The following SMAP1 variants were observed in gnomAD, a reference collection of about 807,000 sequenced individuals.
SMAP1 encodes the protein small ArfGAP 1, also known as stromal membrane-associated protein 1.
SMAP1 carries 24 observed loss-of-function variants against 58.5 expected under a neutral mutation model. That is an observed-to-expected ratio of 0.41 (90% CI 0.30 to 0.58). SMAP1 has a LOEUF of 0.58. SMAP1 is among the 20% of genes least tolerant of loss of function. The pLI, the probability that SMAP1 is intolerant of heterozygous loss-of-function variation, is 0.29. For missense variants in SMAP1, 563 were observed against 566.3 expected, an observed-to-expected ratio of 0.99 and a Z score of 0.06; for synonymous variants, 216 against 196.6, an observed-to-expected ratio of 1.10 and a Z score of -0.82.
intron 3 of SMAP1, among the ~76,000 whole-genome samples, chr6:70,766,010 C>A (rs1766962999): frequency 6.6e-6 from 1 of 150,512 alleles, no homozygotes; most frequent in South Asian, 2.1e-4. Context: ...GTTTTTTGTT[C>A]TTGCGATAGT....
At chr6:70,722,882 C>T (rs1381175833) in intron 1 of SMAP1, among the ~76,000 whole-genome samples, 4 of 152,178 alleles carry the variant, frequency 2.6e-5, no homozygotes, top group African/African-American at 7.2e-5. Flanking sequence ...TCAGCGTGGG[C>T]GTCATGGCCA....
intron 1 of SMAP1, among the ~76,000 whole-genome samples, chr6:70,702,213 G>A (rs937186617): frequency 7.1e-6 from 1 of 139,890 alleles, no homozygotes; most frequent in Non-Finnish European, 1.7e-5. Context: ...TTTCTTTTTT[G>A]GGGGGGGTTC....
chr6:70,773,216 A>G, intron 3 of SMAP1, 134 bp from the exon 4 acceptor site: 1 of 575,204 alleles, frequency 1.7e-6, no homozygotes, highest in Non-Finnish European at 3.1e-6. Context: ...TAGTTGCAGA[A>G]ATAATGTGAA....
intron 3 of SMAP1, among the ~76,000 whole-genome samples, chr6:70,757,886 A>C (rs1324437422): frequency 6.6e-6 from 1 of 151,576 alleles, no homozygotes; most frequent in Non-Finnish European, 1.5e-5. Context: ...GCTGGAGAGG[A>C]TGTGGAGAAA....
chr6:70,776,508 A>G (rs1767553701), intron 4 of SMAP1, among the ~76,000 whole-genome samples: 1 of 152,158 alleles, frequency 6.6e-6, no homozygotes, highest in Non-Finnish European at 1.5e-5. Context: ...TGTTGGGAAC[A>G]TTCAGTATCA....
At chr6:70,784,627 AAC>A (rs1487383367) in intron 4 of SMAP1, among the ~76,000 whole-genome samples, 1 of 152,192 alleles carries the variant, frequency 6.6e-6, no homozygotes, top group Non-Finnish European at 1.5e-5. Context: ...GCAAATGGAA[AAC>A]AAAAAAAGGC....
rs183876294 is a variant in SMAP1 at position 70,718,068 on chromosome 6, C to T, written c.119-14310C>T. Among the ~76,000 whole-genome samples the T allele has an allele frequency of 5.3e-5, 8 of 152,114 alleles. No individual in the cohort carries two copies. The East Asian group carries it at 1.5e-3, about 29-fold the overall frequency. ...TCCTCCCCACAAGCTCCACAAGCTCCCCTTCCAATTTTTTTGGTGTTTTTT... is the reference window on the plus strand; with the variant it reads ...TCCTCCCCACAAGCTCCACAAGCTCTCCTTCCAATTTTTTTGGTGTTTTTT... On this transcript the variant is annotated intron_variant, in intron 1 of 10. Coordinates refer to ENST00000370455, the MANE Select transcript of SMAP1 (RefSeq NM_001044305.3).
intron 1 of SMAP1, among the ~76,000 whole-genome samples, chr6:70,712,797 C>T (rs376896667): frequency 0.044 from 5,357 of 123,104 alleles, 108 homozygotes; most frequent in African/African-American, 0.061. Context: ...TTTTTCTTTT[C>T]TTTTTTTTTT....
intron 1 of SMAP1, among the ~76,000 whole-genome samples, chr6:70,725,859 T>C (rs1478706748): frequency 6.6e-6 from 1 of 152,248 alleles, no homozygotes; most frequent in East Asian, 1.9e-4. Flanking sequence ...GAAGGATTGA[T>C]AGTTCTGGAG....
chr6:70,858,418 G>C (rs1294888506), intron 10 of SMAP1, 189 bp downstream of exon 10: 8 of 507,804 alleles, frequency 1.6e-5, no homozygotes, highest in Non-Finnish European at 2.6e-5. Flanking sequence ...CAAATGATGT[G>C]TTATTATCGC....
At chr6:70,719,438 T>A (rs1435605481) in intron 1 of SMAP1, among the ~76,000 whole-genome samples, 1 of 152,198 alleles carries the variant, frequency 6.6e-6, no homozygotes. Context: ...CACCCTTGAA[T>A]CTCCCATCCA....
intron 5 of SMAP1, among the ~76,000 whole-genome samples, chr6:70,798,082 A>G (rs1372214593): frequency 6.6e-6 from 1 of 152,080 alleles, no homozygotes; most frequent in Non-Finnish European, 1.5e-5. Context: ...GTGGTCCCCA[A>G]GCACTATCTT....
chr6:70,742,256 G>A (rs917165691), intron 2 of SMAP1, among the ~76,000 whole-genome samples: 6 of 152,116 alleles, frequency 3.9e-5, no homozygotes, highest in Middle Eastern at 3.2e-3. Context: ...TTTAGGCTCC[G>A]TTTCCCCTTT....
At chr6:70,690,589 C>G (rs994773167) in intron 1 of SMAP1, among the ~76,000 whole-genome samples, 9 of 151,728 alleles carry the variant, frequency 5.9e-5, no homozygotes, top group Non-Finnish European at 1.2e-4. Context: ...TACAGGCCAC[C>G]CGGCCGGTTT....
intron 3 of SMAP1, among the ~76,000 whole-genome samples, chr6:70,772,485 A>G (rs1206788969): frequency 6.6e-6 from 1 of 152,140 alleles, no homozygotes; most frequent in Non-Finnish European, 1.5e-5. Context: ...TAATTATCAG[A>G]AAGGAGTCTT....
intron 1 of SMAP1, among the ~76,000 whole-genome samples, chr6:70,689,443 C>G (rs992701377): frequency 6.6e-6 from 1 of 152,150 alleles, no homozygotes; most frequent in Non-Finnish European, 1.5e-5. Context: ...TGCCTTTATG[C>G]CAATGTTGTA....
At chr6:70,754,957 T>C in intron 2 of SMAP1, 23 bp from the exon 3 acceptor site, 1 of 1,545,172 alleles carries the variant, frequency 6.5e-7, no homozygotes, top group Non-Finnish European at 8.9e-7. Flanking sequence ...ATGTGAGTAA[T>C]TAAAAAATTT....
At chr6:70,688,573 A>G (rs1767028340) in intron 1 of SMAP1, among the ~76,000 whole-genome samples, 1 of 152,166 alleles carries the variant, frequency 6.6e-6, no homozygotes, top group Non-Finnish European at 1.5e-5. Context: ...TTCATGTGCC[A>G]GTTTTCCATC....
chr6:70,801,204 C>G (rs979431523), intron 6 of SMAP1, among the ~76,000 whole-genome samples: 1 of 152,184 alleles, frequency 6.6e-6, no homozygotes, highest in South Asian at 2.1e-4. Flanking sequence ...TTTTAATGAT[C>G]GCGATTCTAC....
Sources: allele counts gnomAD v4.1 joint callset (sites outside exome capture counted in the v4.1 genomes callset), GRCh38; gene constraint gnomAD v4.1.1; transcripts MANE v1.5; gene names NCBI Gene and HGNC (gene_info 2026-07-23, HGNC 2026-07-21).